The following HSDL2 variants were observed in gnomAD, a reference collection of about 807,000 sequenced individuals.
HSDL2 encodes hydroxysteroid dehydrogenase-like protein 2.
In HSDL2, 27 loss-of-function variants were observed where a neutral mutation model predicts 46.3. The observed-to-expected ratio is 0.58, with a 90% CI of 0.43 to 0.80. The LOEUF is 0.80. HSDL2 is among the 30% of genes least tolerant of loss of function. HSDL2 has a pLI of 0.00. For synonymous variants in HSDL2, 153 were observed against 163.6 expected (o/e 0.94, Z 0.50); for missense variants, 451 against 502.7 (o/e 0.90, Z 0.98).
intron 1 of HSDL2, among the ~76,000 whole-genome samples, chr9:112,381,200 T>C (rs1195474237): frequency 6.6e-6 from 1 of 151,682 alleles, no homozygotes; most frequent in Admixed American, 6.6e-5. Flanking sequence ...TCTTTCTTTG[T>C]TTTTTTTAAA....
intron 4 of HSDL2, among the ~76,000 whole-genome samples, chr9:112,414,492 A>G (rs1413576662): frequency 6.6e-6 from 1 of 152,200 alleles, no homozygotes; most frequent in African/African-American, 2.4e-5. Context: ...AATATAATAT[A>G]TAAGAGGGCA....
At chr9:112,432,604 C>A (rs868210115) in intron 6 of HSDL2, among the ~76,000 whole-genome samples, 2 of 152,166 alleles carry the variant, frequency 1.3e-5, no homozygotes, top group South Asian at 4.1e-4. Context: ...AAAATCAGCT[C>A]ATTGCTGAGA....
Position 112,409,035 on chromosome 9 carries a change from A to C in HSDL2, c.395+14A>C. The C allele has an allele frequency of 6.9e-7, 1 of 1,453,322 alleles. No homozygotes were observed. Among genetic ancestry groups the C allele is most frequent in the Non-Finnish European group, 9.6e-7 (1 of 1,040,524 alleles). 90.0% of individuals were successfully genotyped at this position (1,453,322 alleles called of 1,614,324 possible). On this transcript the variant is annotated intron_variant, in intron 4 of 10. Transcript: ENST00000398805. ...CACCTACCTTGCGTAAGTTTGCAAG[A>C]AGAGTTGTTGGGGAGGAAGTTGCGG...
intron 6 of HSDL2, chr9:112,433,995 AG>A (rs1832463502): frequency 1.3e-5 from 2 of 152,190 alleles, no homozygotes; most frequent in Non-Finnish European, 2.9e-5. Context: ...GCACATCCAG[AG>A]AAAGGATCAG....
intron 4 of HSDL2, among the ~76,000 whole-genome samples, chr9:112,413,639 T>A (rs984125338): frequency 6.6e-6 from 1 of 152,250 alleles, no homozygotes; most frequent in African/African-American, 2.4e-5. Flanking sequence ...TGTATCATGT[T>A]AAATGCTTTT....
intron 9 of HSDL2, among the ~76,000 whole-genome samples, 155 bp downstream of exon 9, chr9:112,454,317 C>T (rs1351691004): frequency 1.3e-5 from 2 of 152,122 alleles, no homozygotes; most frequent in Non-Finnish European, 2.9e-5. Context: ...GCAACCATAA[C>T]TATTGATTTG....
chr9:112,401,612 G>A (rs1317562210), intron 1 of HSDL2, among the ~76,000 whole-genome samples: 7 of 152,030 alleles, frequency 4.6e-5, no homozygotes, highest in Non-Finnish European at 1.0e-4. Context: ...TTTGGCCTGG[G>A]GCCATAGTTT....
chr9:112,399,604 T>G (rs1433324175), intron 1 of HSDL2, among the ~76,000 whole-genome samples: 1 of 152,112 alleles, frequency 6.6e-6, no homozygotes, highest in African/African-American at 2.4e-5. Flanking sequence ...AGACAGACGT[T>G]CCCAGAGTGG....
rs765063378 is a variant in HSDL2, at chr9:112,405,629, G to A, written c.187G>A (p.Ala63Thr). The A allele has an allele frequency of 6.2e-7, 1 of 1,605,152 alleles. No homozygotes were observed. Among genetic ancestry groups the A allele is most frequent in the South Asian group, 1.1e-5 (1 of 90,466 alleles). The change falls in exon 3 of 11, where the codon GCA (alanine) becomes ACA (threonine). Residue 63 changes from alanine to threonine, a missense_variant. Physicochemically the swap from Ala to Thr is moderately conservative, Grantham distance 58 (BLOSUM62 0). Transcript: ENST00000398805. ...TIYTAAEEIEAVGGKALPCIV... is the reference protein window; with the variant it reads ...TIYTAAEEIETVGGKALPCIV... ...TTTTGTATCCTTTATATAAGTTGAAGCAGTTGGAGGAAAGGCCTTGCCATG... is the reference window on the plus strand; with the variant it reads ...TTTTGTATCCTTTATATAAGTTGAAACAGTTGGAGGAAAGGCCTTGCCATG...
intron 4 of HSDL2, among the ~76,000 whole-genome samples, chr9:112,411,566 T>C (rs897675260): frequency 1.3e-5 from 2 of 152,132 alleles, no homozygotes; most frequent in African/African-American, 4.8e-5. Context: ...ACTGGACTAT[T>C]CCGGAGGCTG....
intron 10 of HSDL2, among the ~76,000 whole-genome samples, chr9:112,462,301 C>A (rs1245028540): frequency 1.3e-5 from 2 of 151,904 alleles, no homozygotes; most frequent in Non-Finnish European, 2.9e-5. Flanking sequence ...CTGTCTCTAC[C>A]AAAAATACAA....
At chr9:112,442,109 C>T (rs770964856) in intron 8 of HSDL2, among the ~76,000 whole-genome samples, 2 of 145,068 alleles carry the variant, frequency 1.4e-5, no homozygotes, top group African/African-American at 5.1e-5. Context: ...AAAAAAAATA[C>T]AAAAAAAAAA....
chr9:112,439,816 A>G (rs901325260), intron 7 of HSDL2, among the ~76,000 whole-genome samples: 3 of 152,262 alleles, frequency 2.0e-5, no homozygotes, highest in Non-Finnish European at 4.4e-5. Flanking sequence ...ACCCAGCTTC[A>G]TATTGCAGCT....
At chr9:112,422,911 A>G (rs1832156605) in intron 6 of HSDL2, among the ~76,000 whole-genome samples, 1 of 152,228 alleles carries the variant, frequency 6.6e-6, no homozygotes, top group Non-Finnish European at 1.5e-5. Flanking sequence ...CAATGCCAGA[A>G]ACTAGAAGGC....
At chr9:112,434,430 G>A (rs757382104) in intron 6 of HSDL2, among the ~76,000 whole-genome samples, 17 of 152,190 alleles carry the variant, frequency 1.1e-4, no homozygotes, top group Non-Finnish European at 2.1e-4. Flanking sequence ...TTCCTGTCTG[G>A]TGCTAGAAAT....
chr9:112,397,114 G>C (rs1370618445), intron 1 of HSDL2, among the ~76,000 whole-genome samples: 1 of 152,152 alleles, frequency 6.6e-6, no homozygotes, highest in East Asian at 1.9e-4. Flanking sequence ...AGCTGGCTTG[G>C]CTGCTTTTAA....
At chr9:112,460,724 C>T (rs1417357806) in intron 10 of HSDL2, among the ~76,000 whole-genome samples, 9 of 111,464 alleles carry the variant, frequency 8.1e-5, no homozygotes, top group Admixed American at 2.1e-4. Flanking sequence ...CCAGCCTGGG[C>T]GGCAGAATGA....
chr9:112,398,383 A>T (rs1163404202), intron 1 of HSDL2, among the ~76,000 whole-genome samples: 1 of 152,008 alleles, frequency 6.6e-6, no homozygotes, highest in Non-Finnish European at 1.5e-5. Context: ...AAAGGTTTGA[A>T]GAGGGAAGAG....
At chr9:112,390,221 T>C (rs891599687) in intron 1 of HSDL2, among the ~76,000 whole-genome samples, 1 of 152,086 alleles carries the variant, frequency 6.6e-6, no homozygotes, top group Non-Finnish European at 1.5e-5. Context: ...TAAAGCTGTT[T>C]TAATTAAGGC....
Sources: allele counts gnomAD v4.1 joint callset (sites outside exome capture counted in the v4.1 genomes callset), GRCh38; gene constraint gnomAD v4.1.1; transcripts MANE v1.5; gene names NCBI Gene and HGNC (gene_info 2026-07-23, HGNC 2026-07-21).